The following PPP2R3A variants were observed in gnomAD, a reference collection of about 807,000 sequenced individuals.
PPP2R3A encodes the protein serine/threonine-protein phosphatase 2A regulatory subunit B'' subunit alpha.
Under a neutral mutation model 106.9 loss-of-function variants are expected in PPP2R3A, and 80 were observed. The observed-to-expected ratio is 0.75, with a 90% confidence interval of 0.62 to 0.90. The LOEUF is 0.90. PPP2R3A is among the 40% of genes least tolerant of loss of function. The pLI is 0.00. For synonymous variants in PPP2R3A, 483 were observed against 468.3 expected (o/e 1.03, Z -0.41); for missense variants, 1,386 against 1,350.4 (o/e 1.03, Z -0.41).
At chr3:136,141,942 C>T (rs1938889109) in intron 13 of PPP2R3A, among the ~76,000 whole-genome samples, 1 of 152,126 alleles carries the variant, frequency 6.6e-6, no homozygotes, top group Admixed American at 6.5e-5. Flanking sequence ...ATGACAGTGC[C>T]ATTGACTAAA....
intron 13 of PPP2R3A, among the ~76,000 whole-genome samples, chr3:136,139,969 G>A (rs1261355490): frequency 4.1e-5 from 6 of 145,878 alleles, no homozygotes; most frequent in Non-Finnish European, 7.4e-5. Context: ...TAGTGCCACT[G>A]CACTCCAGTC....
At chr3:136,090,806 G>A (rs531977890) in intron 10 of PPP2R3A, 139 bp downstream of exon 10, 34 of 623,674 alleles carry the variant, frequency 5.5e-5, no homozygotes, top group East Asian at 2.8e-4. Flanking sequence ...CTGCCGTCTC[G>A]GAGCTCTCCG....
intron 13 of PPP2R3A, among the ~76,000 whole-genome samples, chr3:136,107,441 T>C (rs1241082621): frequency 4.9e-5 from 7 of 143,014 alleles, no homozygotes; most frequent in Admixed American, 2.8e-4. Flanking sequence ...CTTTTTTTTT[T>C]TTTTTTTTTT....
chr3:135,978,550 A>G (rs1937483553), intron 1 of PPP2R3A, among the ~76,000 whole-genome samples: 1 of 151,696 alleles, frequency 6.6e-6, no homozygotes, highest in Admixed American at 6.6e-5. Context: ...TAAACACTTG[A>G]AAATGTGAAG....
intron 3 of PPP2R3A, among the ~76,000 whole-genome samples, chr3:136,037,631 A>T (rs1935129150): frequency 6.6e-6 from 1 of 152,210 alleles, no homozygotes; most frequent in Non-Finnish European, 1.5e-5. Flanking sequence ...TAAAAAAATC[A>T]CTGCCCTCAT....
chr3:136,005,689 T>C lies in PPP2R3A; in HGVS notation c.1995+2196T>C, dbSNP rs142824358. On this transcript the variant is annotated intron_variant, in intron 2 of 13. Transcript: ENST00000264977. ...GGCAATACTGATGTGCTTAATAGTT[T>C]ATTATAAAGGAAAGAAAATACCTAC... is the stretch of plus-strand genomic sequence containing the variant. Among the ~76,000 whole-genome samples, 1,147 of 152,280 alleles carry C rather than the reference T, an allele frequency of 7.5e-3. 21 individuals carry two copies. The highest frequency in any genetic ancestry group is 0.026 in the African/African-American group (1,093 of 41,544).
chr3:136,142,674 T>G (rs932453837), intron 13 of PPP2R3A, among the ~76,000 whole-genome samples: 1 of 152,186 alleles, frequency 6.6e-6, no homozygotes, highest in African/African-American at 2.4e-5. Flanking sequence ...AGGCTTCAAG[T>G]GCTGTGAGGA....
At chr3:136,101,675 C>T (rs1419328706) in intron 10 of PPP2R3A, among the ~76,000 whole-genome samples, 1 of 152,166 alleles carries the variant, frequency 6.6e-6, no homozygotes, top group East Asian at 1.9e-4. Context: ...ATCTGCCCAC[C>T]TCAGTCTCCC....
At chr3:136,046,467 A>AAAG (rs1935474664) in intron 4 of PPP2R3A, among the ~76,000 whole-genome samples, 1 of 151,644 alleles carries the variant, frequency 6.6e-6, no homozygotes. Flanking sequence ...AAAAAAAAAA[A>AAAG]AGAAATCCAG....
intron 2 of PPP2R3A, among the ~76,000 whole-genome samples, chr3:136,006,831 T>A (rs1933862391): frequency 6.6e-6 from 1 of 152,230 alleles, no homozygotes; most frequent in African/African-American, 2.4e-5. Context: ...TGTAATAGTT[T>A]TATCTTGATG....
At chr3:136,064,216 A>T (rs1490979552) in intron 5 of PPP2R3A, among the ~76,000 whole-genome samples, 1 of 139,836 alleles carries the variant, frequency 7.2e-6, no homozygotes, top group African/African-American at 2.7e-5. Flanking sequence ...GAATTGAACA[A>T]TGAGAACACA....
At chr3:136,120,320 G>A (rs1937946942) in intron 13 of PPP2R3A, among the ~76,000 whole-genome samples, 1 of 152,100 alleles carries the variant, frequency 6.6e-6, no homozygotes, top group Admixed American at 6.5e-5. Context: ...GGGTGCAGTG[G>A]GTCACACCTG....
intron 5 of PPP2R3A, among the ~76,000 whole-genome samples, chr3:136,056,878 T>C (rs112648677): frequency 0.023 from 3,547 of 152,006 alleles, 136 homozygotes; most frequent in African/African-American, 0.081. Flanking sequence ...AACAACTCAA[T>C]AGCAAGAAAA....
intron 5 of PPP2R3A, among the ~76,000 whole-genome samples, chr3:136,056,712 A>G (rs1352963469): frequency 6.6e-6 from 1 of 152,112 alleles, no homozygotes; most frequent in African/African-American, 2.4e-5. Context: ...GCACAAAGGA[A>G]AAAATAGACA....
At chr3:136,066,765 C>T (rs937081741) in intron 5 of PPP2R3A, among the ~76,000 whole-genome samples, 4 of 152,234 alleles carry the variant, frequency 2.6e-5, no homozygotes, top group East Asian at 1.9e-4. Flanking sequence ...AATGCTAGAT[C>T]GTTCAAGAGA....
At chr3:136,022,679 T>G in intron 2 of PPP2R3A, 1 of 836,264 alleles carries the variant, frequency 1.2e-6, no homozygotes, top group Non-Finnish European at 1.4e-6. Flanking sequence ...GAAGGTACTA[T>G]TTTTAGGTCC....
In PPP2R3A at chr3:136,002,813, C is replaced by T. The variant is rs747341883; in HGVS notation, c.1315C>T (p.His439Tyr). The change falls in exon 2 of 14, where the codon CAT becomes TAT. Residue 439 changes from histidine to tyrosine, a missense_variant. Transcript: ENST00000264977. ...KGQKTENGPS[H>Y]ELLKVNEHRA... ...ACAAAAGACAGAGAATGGACCTAGT[C>T]ATGAGTTATTAAAGGTAAATGAACA... The T allele has an allele frequency of 2.0e-5, 32 of 1,613,778 alleles. No individual in the cohort carries two copies. In the East Asian group the frequency reaches 7.1e-4, roughly 36 times the overall value.
chr3:136,112,819 A>G (rs1257295688), intron 13 of PPP2R3A, among the ~76,000 whole-genome samples: 2 of 152,148 alleles, frequency 1.3e-5, no homozygotes, highest in Non-Finnish European at 2.9e-5. Context: ...TTTTCAAAGA[A>G]TTTGAAAAAA....
Position 136,001,624 on chromosome 3 carries a change from T to G in PPP2R3A, c.126T>G (p.Ile42Met). 6.2e-7 allele frequency: 1 copy of G among 1,614,174 alleles called. No individual in the cohort carries two copies. The highest frequency in any genetic ancestry group is 8.5e-7 in the Non-Finnish European group (1 of 1,180,022). ...TGTCHTFTHG[I>M]DCIVVHHSVC... ...CCTGCCACACCTTCACACATGGAAT[T>G]GACTGCATTGTGGTACACCATAGTG... The change falls in exon 2 of 14, where the codon ATT (isoleucine) becomes ATG (methionine). Residue 42 changes from isoleucine to methionine, a missense_variant. Ile to Met is a conservative substitution (Grantham distance 10). Transcript: ENST00000264977.
Sources: allele counts gnomAD v4.1 joint callset (sites outside exome capture counted in the v4.1 genomes callset), GRCh38; gene constraint gnomAD v4.1.1; transcripts MANE v1.5; gene names NCBI Gene and HGNC (gene_info 2026-07-23, HGNC 2026-07-21).